IL1RAPL2: variants seen among roughly 807,000 people sequenced by gnomAD.
The protein encoded by IL1RAPL2 is X-linked interleukin-1 receptor accessory protein-like 2.
In IL1RAPL2, 3 loss-of-function variants were observed where a neutral mutation model predicts 44.1. The observed-to-expected ratio is 0.07, with a 90% CI of 0.03 to 0.18. IL1RAPL2 has a LOEUF of 0.18. IL1RAPL2 is among the 10% of genes least tolerant of loss of function. The pLI is 1.00. For missense variants in IL1RAPL2, 391 were observed against 496.4 expected, an observed-to-expected ratio of 0.79 and a Z score of 2.02; for synonymous variants, 181 against 178.8, an observed-to-expected ratio of 1.01 and a Z score of -0.10.
At chrX:104,632,195 G>A (rs1386332408) in intron 1 of IL1RAPL2, among the ~76,000 whole-genome samples, 10 of 111,173 alleles carry the variant, frequency 9.0e-5, no homozygotes, top group African/African-American at 2.9e-4. Flanking sequence ...TGTTCCATTG[G>A]TCTATATCTC....
chrX:105,589,022 T>C (rs2037149244), intron 6 of IL1RAPL2, among the ~76,000 whole-genome samples: 1 of 111,899 alleles, frequency 8.9e-6, no homozygotes, highest in Admixed American at 9.5e-5. Context: ...AAGTGTTCTT[T>C]TTTCTCCACA....
intron 6 of IL1RAPL2, among the ~76,000 whole-genome samples, chrX:105,684,018 G>T (rs889393937): frequency 8.9e-6 from 1 of 112,333 alleles, no homozygotes; most frequent in African/African-American, 3.2e-5. Context: ...GATATCCAAT[G>T]ACTATCTATT....
At chrX:105,092,585 G>C (rs2032556807) in intron 2 of IL1RAPL2, among the ~76,000 whole-genome samples, 1 of 111,212 alleles carries the variant, frequency 9.0e-6, no homozygotes. Context: ...CCACATAGTT[G>C]ATCTCAGTTT....
chrX:105,613,550 G>T (rs2037351445), intron 6 of IL1RAPL2, among the ~76,000 whole-genome samples: 4 of 112,207 alleles, frequency 3.6e-5, no homozygotes. Flanking sequence ...TATGGTTCCA[G>T]ACCTTGGCTC....
chrX:105,052,017 A>G (rs1879965791), intron 2 of IL1RAPL2, among the ~76,000 whole-genome samples: 1 of 112,721 alleles, frequency 8.9e-6, no homozygotes, highest in Admixed American at 9.4e-5. Flanking sequence ...AGGGACAAAA[A>G]AAAGGATTAG....
intron 2 of IL1RAPL2, among the ~76,000 whole-genome samples, chrX:104,943,384 A>G (rs1313516350): frequency 8.9e-6 from 1 of 111,936 alleles, no homozygotes; most frequent in African/African-American, 3.2e-5. Context: ...TGTCTAATAG[A>G]TATCTCAACA....
At chrX:104,909,604 G>T (rs1022488613) in intron 2 of IL1RAPL2, among the ~76,000 whole-genome samples, 1 of 111,673 alleles carries the variant, frequency 9.0e-6, no homozygotes, top group Admixed American at 9.5e-5. Context: ...TCCCCTTGCC[G>T]TGTGAGGTGT....
intron 3 of IL1RAPL2, among the ~76,000 whole-genome samples, chrX:105,218,650 C>G (rs1182840486): frequency 9.1e-6 from 1 of 110,250 alleles, no homozygotes; most frequent in Non-Finnish European, 1.9e-5. Context: ...AGTGCAAGTG[C>G]TCTGGAATAC....
At chrX:104,887,789 A>G (rs974588277) in intron 2 of IL1RAPL2, among the ~76,000 whole-genome samples, 3 of 111,212 alleles carry the variant, frequency 2.7e-5, no homozygotes, top group African/African-American at 9.8e-5. Context: ...ACCTTAACCT[A>G]TATACCGATG....
intron 2 of IL1RAPL2, among the ~76,000 whole-genome samples, chrX:105,033,672 C>T (rs1794418374): frequency 9.0e-6 from 1 of 111,263 alleles, no homozygotes; most frequent in Non-Finnish European, 1.9e-5. Context: ...TCCTTCATTT[C>T]AACTTTGGTG....
Position 105,194,114 on chromosome X carries a change from G to A in IL1RAPL2, c.83-1361G>A, listed in dbSNP as rs73638485. Among the ~76,000 whole-genome samples, 859 of 112,132 alleles carry A rather than the reference G, an allele frequency of 7.7e-3. 9 individuals carry two copies. Among genetic ancestry groups the A allele is most frequent in the African/African-American group, 0.027 (825 of 30,868 alleles). On this transcript the variant is annotated intron_variant, in intron 2 of 10. Coordinates refer to ENST00000372582, the MANE Select transcript of IL1RAPL2 (RefSeq NM_017416.2). ...GCCAACTACCTTGAAGCCCATGCAA[G>A]CATCTTCCCCCTGGGTGTCCTTGAA...
chrX:105,661,674 G>T (rs2037721471), intron 6 of IL1RAPL2, among the ~76,000 whole-genome samples: 1 of 111,887 alleles, frequency 8.9e-6, no homozygotes, highest in Non-Finnish European at 1.9e-5. Context: ...CTCAAATATT[G>T]TAGCTGTCTA....
chrX:105,221,708 G>A (rs193087499), intron 3 of IL1RAPL2, among the ~76,000 whole-genome samples: 1 of 111,823 alleles, frequency 8.9e-6, no homozygotes, highest in African/African-American at 3.2e-5. Context: ...GTTAGTTTGC[G>A]GTTTGTTAGA....
chrX:104,913,059 A>G, intron 2 of IL1RAPL2, among the ~76,000 whole-genome samples: 1 of 112,081 alleles, frequency 8.9e-6, no homozygotes, highest in East Asian at 2.8e-4. Context: ...GAGAAAAATC[A>G]CTATGAGGTA....
chrX:105,072,997 G>T (rs920763601), intron 2 of IL1RAPL2, among the ~76,000 whole-genome samples: 14 of 109,048 alleles, frequency 1.3e-4, no homozygotes, highest in Admixed American at 1.3e-3. Context: ...CTTTTTTATG[G>T]CTGCATAGTA....
At chrX:104,658,479 G>A (rs966207721) in intron 1 of IL1RAPL2, among the ~76,000 whole-genome samples, 4 of 112,025 alleles carry the variant, frequency 3.6e-5, no homozygotes, top group Non-Finnish European at 7.5e-5. Flanking sequence ...GTGGGAGGCA[G>A]GGGGAGGAAT....
intron 2 of IL1RAPL2, among the ~76,000 whole-genome samples, chrX:104,735,655 G>T (rs1932000198): frequency 9.0e-6 from 1 of 111,627 alleles, no homozygotes; most frequent in Non-Finnish European, 1.9e-5. Flanking sequence ...GCAATAATGT[G>T]AATTGCTTTG....
At chrX:105,209,174 A>G (rs2033788669) in intron 3 of IL1RAPL2, among the ~76,000 whole-genome samples, 1 of 112,081 alleles carries the variant, frequency 8.9e-6, no homozygotes, top group Non-Finnish European at 1.9e-5. Flanking sequence ...AAGCTTCTAT[A>G]TTAGGTAATG....
intron 2 of IL1RAPL2, among the ~76,000 whole-genome samples, chrX:104,894,579 G>A (rs150416890): frequency 7.2e-5 from 8 of 111,267 alleles, no homozygotes; most frequent in African/African-American, 2.3e-4. Flanking sequence ...TGATCGAATC[G>A]GCTACTGAAT....
Sources: allele counts gnomAD v4.1 joint callset (sites outside exome capture counted in the v4.1 genomes callset), GRCh38; gene constraint gnomAD v4.1.1; transcripts MANE v1.5; gene names NCBI Gene and HGNC (gene_info 2026-07-23, HGNC 2026-07-21).